Variants in SLC16A10 observed in about 807,000 individuals in gnomAD.
SLC16A10 encodes the protein solute carrier family 16 member 10, also known as monocarboxylate transporter 10.
SLC16A10 carries 27 observed loss-of-function variants against 40.0 expected under a neutral mutation model. The ratio of observed to expected loss-of-function variants is 0.67; its 90% CI spans 0.50 to 0.93. The LOEUF is 0.93. SLC16A10 is among the 40% of genes least tolerant of loss of function. The pLI, the probability that SLC16A10 is intolerant of heterozygous loss-of-function variation, is 0.00. For missense variants in SLC16A10, 529 were observed against 658.2 expected (o/e 0.80, Z 2.15); for synonymous variants, 213 against 249.8 (o/e 0.85, Z 1.39).
chr6:111,229,849 C>T lies in SLC16A10; in HGVS notation c.*7614C>T, dbSNP rs1266937863. 2 of 152,426 alleles carry T rather than the reference C, an allele frequency of 1.3e-5. No homozygotes were observed. Among genetic ancestry groups the T allele is most frequent in the Admixed American group, 6.6e-5 (1 of 15,266 alleles). The allele number at this position is 152,426 out of a possible 1,614,324, so 9.4% of individuals were successfully genotyped here. ...CCTTGGCCAGGCGCCGTGGCTCACA[C>T]CTGTAATCCCAGCACTTTGGGAGGC... On this transcript the variant is annotated 3_prime_UTR_variant, in exon 6 of 6. Transcript: ENST00000368851.
chr6:111,105,898 T>C (rs1436004737), intron 1 of SLC16A10, among the ~76,000 whole-genome samples: 1 of 152,184 alleles, frequency 6.6e-6, no homozygotes, highest in Non-Finnish European at 1.5e-5. Context: ...AGGGAATTGA[T>C]AGTTGTGTAA....
chr6:111,112,134 A>G (rs1460036451), intron 1 of SLC16A10, among the ~76,000 whole-genome samples: 1 of 152,012 alleles, frequency 6.6e-6, no homozygotes, highest in African/African-American at 2.4e-5. Flanking sequence ...GGCTCAAGCA[A>G]TCCTCTCACC....
chr6:111,126,745 G>A (rs994173014), intron 1 of SLC16A10, among the ~76,000 whole-genome samples: 7 of 152,140 alleles, frequency 4.6e-5, no homozygotes, highest in African/African-American at 1.7e-4. Context: ...CTTGGAGGTA[G>A]TATAGCACTG....
intron 3 of SLC16A10, among the ~76,000 whole-genome samples, chr6:111,198,103 A>C (rs1314782140): frequency 6.6e-6 from 1 of 152,170 alleles, no homozygotes; most frequent in African/African-American, 2.4e-5. Context: ...CACGGGCAAC[A>C]TGGTGAAACC....
At chr6:111,145,582 A>G (rs957454751) in intron 1 of SLC16A10, among the ~76,000 whole-genome samples, 6 of 152,142 alleles carry the variant, frequency 3.9e-5, no homozygotes, top group African/African-American at 1.4e-4. Context: ...TAAAAAAATA[A>G]CTCAAAATGG....
chr6:111,109,185 T>G lies in SLC16A10; in HGVS notation c.343+21090T>G, dbSNP rs376715374. Among the ~76,000 whole-genome samples, 15 of 152,340 alleles carry G rather than the reference T, an allele frequency of 9.8e-5. 1 individual carries two copies. In the East Asian group the frequency reaches 2.9e-3, roughly 29 times the overall value. Reference sequence around the variant, plus strand: ...CCACCATCACAATCATAATATAGTGTGTCCATCACCCCAGGGTGTACCCTC... The same window carrying G: ...CCACCATCACAATCATAATATAGTGGGTCCATCACCCCAGGGTGTACCCTC... On this transcript the variant is annotated intron_variant, in intron 1 of 5. Transcript: ENST00000368851.
At chr6:111,218,511 G>A (rs1314013653) in intron 4 of SLC16A10, among the ~76,000 whole-genome samples, 8 of 152,124 alleles carry the variant, frequency 5.3e-5, no homozygotes, top group Admixed American at 2.6e-4. Context: ...CCTGGGAAGC[G>A]GAGGTTGTAA....
chr6:111,100,959 CCTCTCTCTCTCT>C (rs71021825), intron 1 of SLC16A10, among the ~76,000 whole-genome samples: 13 of 81,498 alleles, frequency 1.6e-4, no homozygotes, highest in South Asian at 4.4e-4. Flanking sequence ...TCTTTCTCTC[CCTCTCTCTCTCT>C]CTCTCTCTCT....
At position 111,224,956 on chromosome 6, in the gene SLC16A10, A is replaced by G. The variant is rs555950888; in HGVS notation, c.*2721A>G. ...TTGATAAGACTCAGAAAATTCTCAA[A>G]TTCGAAAGGTTCTGGCATTTGAGGC... On this transcript the variant is annotated 3_prime_UTR_variant, in exon 6 of 6. Coordinates refer to ENST00000368851, the MANE Select transcript of SLC16A10 (RefSeq NM_018593.5). 17 of 152,296 alleles carry G rather than the reference A, an allele frequency of 1.1e-4. No homozygotes were observed. Among genetic ancestry groups the G allele is most frequent in the Non-Finnish European group, 1.5e-4 (10 of 68,018 alleles). The allele number at this position is 152,296 out of a possible 1,614,324, so 9.4% of individuals were successfully genotyped here. A position where few individuals can be genotyped will look rare whatever the true frequency, so the allele number is the denominator to read the frequency against.
intron 1 of SLC16A10, among the ~76,000 whole-genome samples, chr6:111,152,917 A>C (rs922912701): frequency 5.3e-5 from 8 of 152,234 alleles, no homozygotes; most frequent in African/African-American, 1.9e-4. Context: ...CATGGTGGCA[A>C]CATTTAAGAA....
intron 3 of SLC16A10, among the ~76,000 whole-genome samples, chr6:111,192,630 A>G (rs1184814692): frequency 6.6e-6 from 1 of 152,190 alleles, no homozygotes; most frequent in Non-Finnish European, 1.5e-5. Flanking sequence ...TAATAAAGAC[A>G]TACCCGAAAC....
intron 3 of SLC16A10, among the ~76,000 whole-genome samples, chr6:111,180,010 C>G (rs1280438229): frequency 6.6e-6 from 1 of 152,202 alleles, no homozygotes; most frequent in Non-Finnish European, 1.5e-5. Flanking sequence ...CTTCAAAAGA[C>G]TAGTAAAGTA....
chr6:111,135,516 G>A lies in SLC16A10; in HGVS notation c.344-37179G>A, dbSNP rs771253782. Among the ~76,000 whole-genome samples the A allele has an allele frequency of 2.6e-5, 4 of 152,266 alleles. No homozygotes were observed. In the South Asian group the frequency reaches 8.3e-4, roughly 32 times the overall value. On this transcript the variant is annotated intron_variant, in intron 1 of 5. Coordinates refer to ENST00000368851, the MANE Select transcript of SLC16A10 (RefSeq NM_018593.5). ...CAGCTGTACCTAATCCTTATATTCC[G>A]CTTTCCCAAATACTAGAGGAAGCAA...
In SLC16A10 at chr6:111,226,107, T is replaced by C. The variant is rs1004264359; in HGVS notation, c.*3872T>C. 6.6e-6 allele frequency: 1 copy of C among 152,226 alleles called. No homozygotes were observed. Among genetic ancestry groups the C allele is most frequent in the Admixed American group, 6.5e-5 (1 of 15,278 alleles). 9.4% of individuals were successfully genotyped at this position (152,226 alleles called of 1,614,324 possible). A position where few individuals can be genotyped will look rare whatever the true frequency, so the allele number is the denominator to read the frequency against. On this transcript the variant is annotated 3_prime_UTR_variant, in exon 6 of 6. Transcript: ENST00000368851. ...AAATATTTAAGGGAAGAAATAAATT[T>C]CATACAAATTAGTATCTTTTATGCT... is the stretch of plus-strand genomic sequence containing the variant.
intron 4 of SLC16A10, among the ~76,000 whole-genome samples, 170 bp downstream of exon 4, chr6:111,206,905 T>C (rs433569): frequency 0.82 from 123,973 of 152,036 alleles, 50,738 homozygotes; most frequent in Non-Finnish European, 0.86. Flanking sequence ...CTCAGCTCTC[T>C]GCAACCTCCA....
intron 3 of SLC16A10, among the ~76,000 whole-genome samples, chr6:111,184,285 G>A (rs1416929710): frequency 2.6e-5 from 4 of 152,104 alleles, no homozygotes; most frequent in Non-Finnish European, 5.9e-5. Flanking sequence ...TGTAAAATAT[G>A]TATTCATTAG....
intron 1 of SLC16A10, among the ~76,000 whole-genome samples, chr6:111,163,016 C>A (rs1772398168): frequency 6.6e-6 from 1 of 151,956 alleles, no homozygotes; most frequent in Admixed American, 6.6e-5. Flanking sequence ...TGATTATAAA[C>A]CATCTTTTGA....
At chr6:111,137,620 AGGCACCCCTC>A (rs1397303801) in intron 1 of SLC16A10, among the ~76,000 whole-genome samples, 2 of 152,220 alleles carry the variant, frequency 1.3e-5, no homozygotes, top group African/African-American at 4.8e-5. Flanking sequence ...ATGATATCAA[AGGCACCCCTC>A]CCGAGGAAAT....
At chr6:111,127,574 G>T (rs1303568764) in intron 1 of SLC16A10, among the ~76,000 whole-genome samples, 1 of 152,260 alleles carries the variant, frequency 6.6e-6, no homozygotes, top group East Asian at 1.9e-4. Flanking sequence ...TGGTATAGAA[G>T]AAATATGTCT....
Sources: gnomAD v4.1 joint callset for allele counts (sites outside exome capture counted in the v4.1 genomes callset) on GRCh38, gnomAD v4.1.1 for gene constraint, MANE v1.5 for transcripts, NCBI Gene and HGNC (gene_info 2026-07-23, HGNC 2026-07-21) for gene names.